Variants in STK17A observed in about 807,000 individuals in gnomAD.
STK17A encodes serine/threonine kinase 17a.
Under a neutral mutation model 43.7 loss-of-function variants are expected in STK17A, and 26 were observed. The observed-to-expected ratio is 0.60, with a 90% CI of 0.44 to 0.83. STK17A has a LOEUF of 0.83. Ranked by LOEUF, STK17A falls within the 40% of genes least tolerant of loss-of-function variation. The probability of loss-of-function intolerance (pLI) is 0.00; values close to 1 mark genes in which losing one functional copy is unlikely to be tolerated. For synonymous variants in STK17A, 191 were observed against 182.5 expected (o/e 1.05, Z -0.38); for missense variants, 476 against 511.6 (o/e 0.93, Z 0.67).
chr7:43,588,015 A>G (rs891043404), intron 1 of STK17A, among the ~76,000 whole-genome samples: 5 of 151,578 alleles, frequency 3.3e-5, no homozygotes, highest in Non-Finnish European at 7.4e-5. Flanking sequence ...TTTATAAAAT[A>G]TGATTATTGA....
intron 1 of STK17A, among the ~76,000 whole-genome samples, chr7:43,594,606 C>T (rs970657720): frequency 6.6e-6 from 1 of 152,064 alleles, no homozygotes; most frequent in South Asian, 2.1e-4. Flanking sequence ...TGGATGTTTA[C>T]GGGTGATGAC....
rs1156805913 is a variant in STK17A at position 43,625,455 on chromosome 7, A to G, written c.*613A>G. The G allele has an allele frequency of 6.6e-6, 1 of 152,056 alleles. No individual in the cohort carries two copies. The highest frequency in any genetic ancestry group is 1.5e-5 in the Non-Finnish European group (1 of 68,000). The allele number at this position is 152,056 out of a possible 1,614,324, so 9.4% of individuals were successfully genotyped here. ...TAGTAACATATCAGTGAAAAACCCT[A>G]ATTTTTTTTCTCTTCAATGTCACTA... On this transcript the variant is annotated 3_prime_UTR_variant, in exon 7 of 7. Coordinates refer to ENST00000319357, the MANE Select transcript of STK17A (RefSeq NM_004760.3).
intron 1 of STK17A, among the ~76,000 whole-genome samples, chr7:43,590,575 T>C (rs2082473357): frequency 6.6e-6 from 1 of 151,594 alleles, no homozygotes. Flanking sequence ...CTCAGTTTTG[T>C]ACCTATTAGC....
At chr7:43,606,174 C>A (rs2082587230) in intron 2 of STK17A, among the ~76,000 whole-genome samples, 1 of 152,032 alleles carries the variant, frequency 6.6e-6, no homozygotes, top group African/African-American at 2.4e-5. Context: ...ACCAGACATA[C>A]TTATTTGTAA....
chr7:43,583,277 T>C lies in STK17A; in HGVS notation c.34T>C (p.Ser12Pro). 1 of 1,543,516 alleles carries C rather than the reference T, an allele frequency of 6.5e-7. No individual in the cohort carries two copies. The highest frequency in any genetic ancestry group is 8.7e-7 in the Non-Finnish European group (1 of 1,147,938). The change falls in exon 1 of 7, where the codon TCC (serine) becomes CCC (proline). Residue 12 changes from serine to proline, a missense_variant. This residue lies in a region of STK17A where 320 missense variants were observed against 326.3 expected (regional missense o/e 0.98). Coordinates refer to ENST00000319357, the MANE Select transcript of STK17A (RefSeq NM_004760.3). ...IPLEKPGSGG[S>P]SPGATSGSGR... ...TTTGGAGAAGCCAGGCAGCGGCGGC[T>C]CCTCCCCAGGCGCCACCTCAGGCTC...
intron 3 of STK17A, among the ~76,000 whole-genome samples, chr7:43,611,300 T>G (rs1275723813): frequency 1.3e-5 from 2 of 152,258 alleles, no homozygotes; most frequent in Non-Finnish European, 2.9e-5. Flanking sequence ...GGAAGTTTTC[T>G]TGTTCTCTTT....
chr7:43,588,495 T>G (rs1279256654), intron 1 of STK17A, among the ~76,000 whole-genome samples: 2 of 151,690 alleles, frequency 1.3e-5, no homozygotes, highest in African/African-American at 4.8e-5. Context: ...GGTCTTTTCC[T>G]TGGTCCTTTC....
At chr7:43,610,075 G>A (rs948055584) in intron 3 of STK17A, among the ~76,000 whole-genome samples, 2 of 152,156 alleles carry the variant, frequency 1.3e-5, no homozygotes, top group South Asian at 2.1e-4. Flanking sequence ...GGCCGGGCGC[G>A]GTGGCTCACG....
At position 43,583,166 on chromosome 7, in the gene STK17A, A is replaced by G. The variant is rs2082411189; in HGVS notation, c.-78A>G. ...TTTGAAGGCTCCGCGGACCGGCACTAGGAGCCGGGGGCGGGTCCGTGACCC... is the reference window on the plus strand; with the variant it reads ...TTTGAAGGCTCCGCGGACCGGCACTGGGAGCCGGGGGCGGGTCCGTGACCC... On this transcript the variant is annotated 5_prime_UTR_variant, in exon 1 of 7. Transcript: ENST00000319357. 1 of 1,468,602 alleles carries G rather than the reference A, an allele frequency of 6.8e-7. No individual in the cohort carries two copies. Among genetic ancestry groups the G allele is most frequent in the East Asian group, 2.9e-5 (1 of 34,952 alleles). 91.0% of individuals were successfully genotyped at this position (1,468,602 alleles called of 1,614,324 possible).
At chr7:43,603,966 C>T (rs1231589164) in intron 2 of STK17A, among the ~76,000 whole-genome samples, 3 of 152,126 alleles carry the variant, frequency 2.0e-5, no homozygotes, top group East Asian at 1.9e-4. Context: ...ATATGAAATC[C>T]CAAATGCTTC....
rs1039693656 is a variant in STK17A at position 43,626,695 on chromosome 7, T to C, written c.*1853T>C. The C allele has an allele frequency of 6.6e-6, 1 of 152,262 alleles. No homozygotes were observed. The highest frequency in any genetic ancestry group is 1.5e-5 in the Non-Finnish European group (1 of 68,048). The allele number at this position is 152,262 out of a possible 1,614,324, so 9.4% of individuals were successfully genotyped here. A position where few individuals can be genotyped will look rare whatever the true frequency, so the allele number is the denominator to read the frequency against. On this transcript the variant is annotated 3_prime_UTR_variant, in exon 7 of 7. Transcript: ENST00000319357. ...TAACCACTATTGAATGACACGTTTG[T>C]ACTTGATGGATCTGTCATCAAGTTT...
At chr7:43,589,936 TA>T (rs1421630787) in intron 1 of STK17A, among the ~76,000 whole-genome samples, 2 of 104,084 alleles carry the variant, frequency 1.9e-5, no homozygotes, top group East Asian at 5.6e-4. Context: ...ATTTTAATTT[TA>T]ATTTTATTTT....
Position 43,626,043 on chromosome 7 carries a change from G to C in STK17A, c.*1201G>C, listed in dbSNP as rs1028853867. ...TAAAGTCCAATTAAAATATGGAAAT[G>C]TAAAAGTGTATGCCGAATACCTTAA... On this transcript the variant is annotated 3_prime_UTR_variant, in exon 7 of 7. Coordinates refer to ENST00000319357, the MANE Select transcript of STK17A (RefSeq NM_004760.3). The C allele has an allele frequency of 6.6e-6, 1 of 152,200 alleles. No individual in the cohort carries two copies. Among genetic ancestry groups the C allele is most frequent in the Non-Finnish European group, 1.5e-5 (1 of 68,024 alleles). 9.4% of individuals were successfully genotyped at this position (152,200 alleles called of 1,614,324 possible).
chr7:43,615,697 C>T (rs1189620994), intron 3 of STK17A, among the ~76,000 whole-genome samples: 1 of 152,146 alleles, frequency 6.6e-6, no homozygotes, highest in Admixed American at 6.5e-5. Context: ...CTCATGCCTC[C>T]CACCACTCGT....
chr7:43,583,356 A>C lies in STK17A; in HGVS notation c.113A>C (p.Gln38Pro). Residue 38 changes from glutamine (Q) to proline (P), a missense_variant, in exon 1 of 7, where the codon CAG becomes CCG. Around this residue, in one of 3 missense-constraint regions of STK17A, gnomAD observed 320 missense variants for 326.3 expected, o/e 0.98. Coordinates refer to ENST00000319357, the MANE Select transcript of STK17A (RefSeq NM_004760.3). ...SGPCRPPPPP[Q>P]ARGLLTEIRA... ...CCGTGCCGGCCGCCGCCGCCGCCCC[A>C]GGCCCGCGGGCTGCTGACAGAGATA... 6.9e-7 allele frequency: 1 copy of C among 1,441,806 alleles called. No individual in the cohort carries two copies. The highest frequency in any genetic ancestry group is 9.1e-7 in the Non-Finnish European group (1 of 1,094,942). The allele number at this position is 1,441,806 out of a possible 1,614,324, so 89.3% of individuals were successfully genotyped here.
At chr7:43,590,333 A>T (rs2082472088) in intron 1 of STK17A, among the ~76,000 whole-genome samples, 1 of 151,302 alleles carries the variant, frequency 6.6e-6, no homozygotes, top group Non-Finnish European at 1.5e-5. Context: ...TAGCAAACAT[A>T]CCTACCTAAA....
intron 4 of STK17A, among the ~76,000 whole-genome samples, chr7:43,621,963 GA>G (rs1463075293): frequency 6.6e-6 from 1 of 152,102 alleles, no homozygotes; most frequent in African/African-American, 2.4e-5. Flanking sequence ...CCATCTATGT[GA>G]CCTTGGCCCT....
At chr7:43,593,379 A>G (rs989215593) in intron 1 of STK17A, among the ~76,000 whole-genome samples, 5 of 152,192 alleles carry the variant, frequency 3.3e-5, no homozygotes, top group African/African-American at 1.2e-4. Flanking sequence ...TCTTTTTCAT[A>G]CAATAATTTC....
At chr7:43,584,498 G>T (rs891866226) in intron 1 of STK17A, among the ~76,000 whole-genome samples, 2 of 152,212 alleles carry the variant, frequency 1.3e-5, no homozygotes, top group Admixed American at 6.5e-5. Context: ...TCGCATTATT[G>T]CCAGCATTTG....
Sources: allele counts gnomAD v4.1 joint callset (sites outside exome capture counted in the v4.1 genomes callset), GRCh38; gene constraint gnomAD v4.1.1; regional missense constraint gnomAD v4.1.1; transcripts MANE v1.5; gene names NCBI Gene and HGNC (gene_info 2026-07-23, HGNC 2026-07-21).